DMD: variants seen among roughly 807,000 people sequenced by gnomAD.
DMD encodes dystrophin.
In DMD, 63 loss-of-function variants were observed where a neutral mutation model predicts 330.1. That is an observed-to-expected ratio of 0.19 (90% CI 0.16 to 0.24). DMD has a LOEUF of 0.24. Ranked by LOEUF, DMD falls within the 10% of genes least tolerant of loss-of-function variation. DMD has a pLI of 1.00. For synonymous variants in DMD, 1,223 were observed against 959.8 expected, an observed-to-expected ratio of 1.27 and a Z score of -5.07; for missense variants, 3,344 against 2,684.1, an observed-to-expected ratio of 1.25 and a Z score of -5.43.
At chrX:32,669,300 C>G (rs1003256349) in intron 9 of DMD, among the ~76,000 whole-genome samples, 1 of 111,415 alleles carries the variant, frequency 9.0e-6, no homozygotes, top group Non-Finnish European at 1.9e-5. Context: ...ATCCAGTTGC[C>G]CTTCCCCTAC....
chrX:32,889,226 C>T (rs1458905118), intron 2 of DMD, among the ~76,000 whole-genome samples: 1 of 111,152 alleles, frequency 9.0e-6, no homozygotes, highest in African/African-American at 3.3e-5. Context: ...CACCCAGTAC[C>T]CAGGCACTTC....
intron 7 of DMD, among the ~76,000 whole-genome samples, chrX:32,703,925 T>C (rs1213218826): frequency 1.8e-5 from 2 of 111,619 alleles, no homozygotes; most frequent in Non-Finnish European, 3.8e-5. Flanking sequence ...ATGAACGTAA[T>C]TTTACACCAA....
At chrX:31,259,090 T>C (rs970047087) in intron 63 of DMD, among the ~76,000 whole-genome samples, 1 of 112,020 alleles carries the variant, frequency 8.9e-6, no homozygotes, top group South Asian at 3.7e-4. Context: ...GTCTCTTCTT[T>C]ATTGTTAGCC....
chrX:32,690,114 T>C (rs768493175), intron 9 of DMD, among the ~76,000 whole-genome samples: 9 of 109,841 alleles, frequency 8.2e-5, no homozygotes, highest in Non-Finnish European at 1.7e-4. Flanking sequence ...ATGAAGAATG[T>C]TATTCCTATT....
At chrX:32,185,441 GC>G (rs946139471) in intron 44 of DMD, among the ~76,000 whole-genome samples, 3 of 111,173 alleles carry the variant, frequency 2.7e-5, no homozygotes, top group Non-Finnish European at 5.7e-5. Context: ...TCCAAGCATC[GC>G]CCCCAGGAAT....
chrX:32,666,374 C>G (rs2061305909), intron 9 of DMD, among the ~76,000 whole-genome samples: 1 of 110,328 alleles, frequency 9.1e-6, no homozygotes, highest in African/African-American at 3.3e-5. Flanking sequence ...CACTCCCAGA[C>G]AGGCGATGGT....
intron 4 of DMD, among the ~76,000 whole-genome samples, chrX:32,843,802 G>A (rs905381115): frequency 9.0e-6 from 1 of 111,676 alleles, no homozygotes; most frequent in Non-Finnish European, 1.9e-5. Context: ...TGACACAGGG[G>A]AAGAGTCACC....
At chrX:31,178,539 T>G in intron 70 of DMD, 130 bp downstream of exon 70, 2 of 1,043,939 alleles carry the variant, frequency 1.9e-6, no homozygotes, top group Non-Finnish European at 2.5e-6. Flanking sequence ...TTTTCTCTTT[T>G]CAGCTAATGT....
chrX:32,841,621 G>C (rs904217319), intron 4 of DMD, among the ~76,000 whole-genome samples: 2 of 111,862 alleles, frequency 1.8e-5, no homozygotes, highest in African/African-American at 6.5e-5. Context: ...TTAATAAATG[G>C]TGTGTTAATT....
chrX:31,278,015 T>TAAA (rs34835188), intron 62 of DMD, among the ~76,000 whole-genome samples: 22 of 21,861 alleles, frequency 1.0e-3, no homozygotes, highest in African/African-American at 1.2e-3. Context: ...AAGTTGAAAT[T>TAAA]AAAAAAAAAA....
intron 9 of DMD, among the ~76,000 whole-genome samples, chrX:32,661,855 T>C (rs756382705): frequency 1.1e-3 from 122 of 111,749 alleles, no homozygotes; most frequent in African/African-American, 3.8e-3. Context: ...ATTTTAAATT[T>C]TAAATCAGTA....
chrX:31,393,613 T>G (rs778382563), intron 60 of DMD, among the ~76,000 whole-genome samples: 13 of 110,983 alleles, frequency 1.2e-4, no homozygotes, highest in Non-Finnish European at 2.3e-4. Context: ...CAACTAGAAA[T>G]TATTGAATAC....
At chrX:32,374,822 A>T (rs1349931302) in intron 34 of DMD, among the ~76,000 whole-genome samples, 4 of 112,045 alleles carry the variant, frequency 3.6e-5, no homozygotes, top group Non-Finnish European at 7.5e-5. Context: ...TAGAATTGTT[A>T]CACAATACAC....
intron 1 of DMD, among the ~76,000 whole-genome samples, chrX:33,072,023 C>G (rs1250210559): frequency 8.9e-6 from 1 of 112,119 alleles, no homozygotes; most frequent in Admixed American, 9.5e-5. Flanking sequence ...AAAAATGAAG[C>G]CAGCTAGACT....
At chrX:32,684,028 C>T (rs1240282343) in intron 9 of DMD, among the ~76,000 whole-genome samples, 2 of 101,026 alleles carry the variant, frequency 2.0e-5, no homozygotes, top group South Asian at 4.2e-4. Context: ...TACACACACA[C>T]ACACACACAC....
chrX:31,616,854 G>C (rs1049346888), intron 55 of DMD, among the ~76,000 whole-genome samples: 1 of 101,475 alleles, frequency 9.9e-6, no homozygotes, highest in Non-Finnish European at 2.1e-5. Context: ...TAGGGAGGCA[G>C]AATCTACAGA....
chrX:32,687,739 A>G (rs2062985959), intron 9 of DMD, among the ~76,000 whole-genome samples: 1 of 111,274 alleles, frequency 9.0e-6, no homozygotes, highest in Non-Finnish European at 1.9e-5. Context: ...CCAGAATCAA[A>G]AGAGATAATA....
At chrX:32,230,467 G>A (rs901907486) in intron 43 of DMD, among the ~76,000 whole-genome samples, 2 of 111,201 alleles carry the variant, frequency 1.8e-5, no homozygotes, top group South Asian at 3.8e-4. Context: ...GGACGGTCTC[G>A]ATCTCCTGAC....
chrX:33,339,175 A>G (rs2054298597), intron 1 of DMD: 1 of 973,428 alleles, frequency 1.0e-6, no homozygotes, highest in Admixed American at 2.5e-5. Flanking sequence ...CCCAGCTACC[A>G]ACAGCTGCTT....
Sources: allele counts gnomAD v4.1 joint callset (sites outside exome capture counted in the v4.1 genomes callset), GRCh38; gene constraint gnomAD v4.1.1; transcripts MANE v1.5; gene names NCBI Gene and HGNC (gene_info 2026-07-23, HGNC 2026-07-21).